The following BRIP1 variants were observed in gnomAD, a reference collection of about 807,000 sequenced individuals.
BRIP1 encodes the protein Fanconi anemia group J protein.
In BRIP1, 88 loss-of-function variants were observed where a neutral mutation model predicts 119.7. The observed-to-expected ratio is 0.74, with a 90% CI of 0.62 to 0.88. BRIP1 has a LOEUF of 0.88. Among genes scored for constraint, BRIP1 ranks in the 40% least tolerant of loss-of-function variants. BRIP1 has a pLI of 0.00. For synonymous variants in BRIP1, 443 were observed against 496.5 expected, an observed-to-expected ratio of 0.89 and a Z score of 1.43; for missense variants, 1,259 against 1,455.4, an observed-to-expected ratio of 0.87 and a Z score of 2.20.
At position 61,680,941 on chromosome 17, in the gene BRIP1, G is replaced by A. The variant is rs1479640526; in HGVS notation, c.*2355C>T. On this transcript the variant is annotated 3_prime_UTR_variant, in exon 20 of 20. Transcript: ENST00000259008. ...ACTGGGTAATTTATAAAGGAAAGAG[G>A]TTTAATTGACTCACAGTTCTGCATG... Among the ~76,000 whole-genome samples, 1 of 152,172 alleles carries A rather than the reference G, an allele frequency of 6.6e-6. No homozygotes were observed.
chr17:61,828,893 T>G lies in BRIP1; in HGVS notation c.627+18208A>C, dbSNP rs2078448534. On this transcript the variant is annotated intron_variant, in intron 6 of 19. Coordinates refer to ENST00000259008, the MANE Select transcript of BRIP1 (RefSeq NM_032043.3). This position sits in a 1 kb window ranked among gnomAD's most constrained non-coding sequence, Gnocchi z 4.1. ...GCAGAAGGTTCTTACACATTATTTG[T>G]GAGTTGAAATATTATTTGAAGGTAC... 6.6e-6 allele frequency among the ~76,000 whole-genome samples: 1 copy of G among 152,160 alleles called. No homozygotes were observed. Among genetic ancestry groups the G allele is most frequent in the Non-Finnish European group, 1.5e-5 (1 of 68,004 alleles).
In BRIP1 at chr17:61,713,977, T is replaced by TA. The variant is rs200696609; in HGVS notation, c.2492+1973dup. On this transcript the variant is annotated intron_variant, in intron 17 of 19. Transcript: ENST00000259008. The surrounding 1 kb of genome is among the most constrained non-coding windows in gnomAD (Gnocchi z 4.9). ...AAGTGTTGTAAAAGAGTCAAAAAGGTAAAAAAAAAGATAAAAAGATAAAAA... is the reference window on the plus strand; with the variant it reads ...AAGTGTTGTAAAAGAGTCAAAAAGGTAAAAAAAAAAGATAAAAAGATAAAAA... 4.5e-3 allele frequency among the ~76,000 whole-genome samples: 673 copies of TA among 150,420 alleles called. 4 individuals carry two copies. The highest frequency in any genetic ancestry group is 0.015 in the African/African-American group (626 of 40,986).
At chr17:61,712,674 G>A (rs2061796373) in intron 17 of BRIP1, among the ~76,000 whole-genome samples, 1 of 152,154 alleles carries the variant, frequency 6.6e-6, no homozygotes, top group African/African-American at 2.4e-5. Flanking sequence ...GGGAGGCCAA[G>A]GCAGGCGGAT....
chr17:61,743,228 G>A lies in BRIP1; in HGVS notation c.2258-94C>T, dbSNP rs2144683298. 7.1e-7 allele frequency: 1 copy of A among 1,413,234 alleles called. No homozygotes were observed. The highest frequency in any genetic ancestry group is 9.9e-7 in the Non-Finnish European group (1 of 1,013,470). 87.5% of individuals were successfully genotyped at this position (1,413,234 alleles called of 1,614,324 possible). On this transcript the variant is annotated intron_variant, in intron 15 of 19. Coordinates refer to ENST00000259008, the MANE Select transcript of BRIP1 (RefSeq NM_032043.3). The surrounding 1 kb of genome is among the most constrained non-coding windows in gnomAD (Gnocchi z 4.3). ...CTGATTTATAATTATAGTAATTACA[G>A]TAGCAAATTTAAAATAATCAAAATA...
Position 61,720,874 on chromosome 17 carries a change from C to T in BRIP1, c.2380-4811G>A, listed in dbSNP as rs2061961607. The stretch of plus-strand genomic sequence containing the variant: ...TTCTTTTTTTTTTGAGACAGAGTCT[C>T]GCTCCATTGCCCAGGCTGGAGTGCA... On this transcript the variant is annotated intron_variant, in intron 16 of 19. Transcript: ENST00000259008. The surrounding 1 kb of genome is among the most constrained non-coding windows in gnomAD (Gnocchi z 4.3). Among the ~76,000 whole-genome samples, 1 of 152,024 alleles carries T rather than the reference C, an allele frequency of 6.6e-6. No individual in the cohort carries two copies. Among genetic ancestry groups the T allele is most frequent in the Non-Finnish European group, 1.5e-5 (1 of 68,026 alleles).
rs113881123 is a variant in BRIP1, at chr17:61,704,600, G to T, written c.2493-11088C>A. On this transcript the variant is annotated intron_variant, in intron 17 of 19. Transcript: ENST00000259008. The surrounding 1 kb of genome is among the most constrained non-coding windows in gnomAD (Gnocchi z 5.7). ...AATATTTGTTAATGAACACATCTGG[G>T]TGGAGAATTTTTTAGAAGGCTTTTA... 5.5e-4 allele frequency among the ~76,000 whole-genome samples: 84 copies of T among 151,964 alleles called. 1 individual carries two copies. The highest frequency in any genetic ancestry group is 1.9e-3 in the African/African-American group (77 of 41,472).
At chr17:61,785,385 A>T (rs2077690231) in intron 10 of BRIP1, among the ~76,000 whole-genome samples, 1 of 152,234 alleles carries the variant, frequency 6.6e-6, no homozygotes, top group South Asian at 2.1e-4. Context: ...CCCACATTGT[A>T]AAAGAGAAAA....
In BRIP1 at chr17:61,742,403, G is replaced by C. The variant is rs2076998045; in HGVS notation, c.2379+610C>G. ...ACTTTTCCTTTGCATTCACAATATG[G>C]CTAATTGGTTGGTGCAAGAGGCCTA... is the stretch of plus-strand genomic sequence containing the variant. On this transcript the variant is annotated intron_variant, in intron 16 of 19. Transcript: ENST00000259008. The surrounding 1 kb of genome is among the most constrained non-coding windows in gnomAD (Gnocchi z 4.7). Among the ~76,000 whole-genome samples the C allele has an allele frequency of 6.6e-6, 1 of 152,088 alleles. No individual in the cohort carries two copies. The highest frequency in any genetic ancestry group is 1.5e-5 in the Non-Finnish European group (1 of 68,040).
rs563509532 is a variant in BRIP1, at chr17:61,746,584, A to T, written c.2098-1993T>A. 1.8e-4 allele frequency among the ~76,000 whole-genome samples: 12 copies of T among 68,266 alleles called. No individual in the cohort carries two copies. The highest frequency in any genetic ancestry group is 3.6e-4 in the Non-Finnish European group (10 of 28,028). The allele number at this position is 68,266 out of a possible 152,430, so 44.8% of individuals were successfully genotyped here. On this transcript the variant is annotated intron_variant, in intron 14 of 19. Coordinates refer to ENST00000259008, the MANE Select transcript of BRIP1 (RefSeq NM_032043.3). The surrounding 1 kb of genome is among the most constrained non-coding windows in gnomAD (Gnocchi z 4.9). Reference sequence around the variant, plus strand: ...ATTCTAAGTCAAAAATTGTCACAAGAGACAAAAAAAAAGGACATTATATAA... The same window carrying T: ...ATTCTAAGTCAAAAATTGTCACAAGTGACAAAAAAAAAGGACATTATATAA...
rs148249085 is a variant in BRIP1 at position 61,710,501 on chromosome 17, G to A, written c.2492+5450C>T. 7.8e-3 allele frequency among the ~76,000 whole-genome samples: 1,183 copies of A among 152,260 alleles called. 7 individuals carry two copies. Among genetic ancestry groups the A allele is most frequent in the Middle Eastern group, 0.02 (6 of 294 alleles). On this transcript the variant is annotated intron_variant, in intron 17 of 19. Transcript: ENST00000259008. The surrounding 1 kb of genome is among the most constrained non-coding windows in gnomAD (Gnocchi z 5.4). ...AACTCTAGTTGGAGAAGTTTTAAAG[G>A]TCCTCATAAAGGACATGACTTTCAA...
Position 61,729,633 on chromosome 17 carries a change from T to C in BRIP1, c.2379+13380A>G, listed in dbSNP as rs1051420844. On this transcript the variant is annotated intron_variant, in intron 16 of 19. Coordinates refer to ENST00000259008, the MANE Select transcript of BRIP1 (RefSeq NM_032043.3). The surrounding 1 kb of genome is among the most constrained non-coding windows in gnomAD (Gnocchi z 5.6). ...ACTGTTATAAGAAAAAGCTATCTAC[T>C]GTATTTAGTGTATATTAGACTCTTG... Among the ~76,000 whole-genome samples the C allele has an allele frequency of 6.6e-6, 1 of 152,186 alleles. No individual in the cohort carries two copies. The highest frequency in any genetic ancestry group is 6.5e-5 in the Admixed American group (1 of 15,274).
Position 61,725,907 on chromosome 17 carries a change from T to A in BRIP1, c.2380-9844A>T, listed in dbSNP as rs2076759952. Among the ~76,000 whole-genome samples the A allele has an allele frequency of 1.3e-5, 2 of 152,212 alleles. No individual in the cohort carries two copies. The highest frequency in any genetic ancestry group is 2.9e-5 in the Non-Finnish European group (2 of 68,040). On this transcript the variant is annotated intron_variant, in intron 16 of 19. Coordinates refer to ENST00000259008, the MANE Select transcript of BRIP1 (RefSeq NM_032043.3). The surrounding 1 kb of genome is among the most constrained non-coding windows in gnomAD (Gnocchi z 5.3). ...CTCCCAAAGCTGTGGGATTAAGGTG[T>A]TATCCACCATGCCTGGCCTAAAAAA...
Position 61,772,157 on chromosome 17 carries a change from TTA to T in BRIP1, c.2097+4242_2097+4243del, listed in dbSNP as rs71150699. Reference sequence around the variant, plus strand: ...GATGAATGGATAAGCAAATGTGAGATTATATATATATATATATATATATATAT... The same window carrying T: ...GATGAATGGATAAGCAAATGTGAGATTATATATATATATATATATATATAT... On this transcript the variant is annotated intron_variant, in intron 14 of 19. Coordinates refer to ENST00000259008, the MANE Select transcript of BRIP1 (RefSeq NM_032043.3). Among the ~76,000 whole-genome samples the T allele has an allele frequency of 7.5e-3, 571 of 76,348 alleles. 3 individuals are homozygous for T. The highest frequency in any genetic ancestry group is 9.1e-3 in the African/African-American group (153 of 16,758). 50.1% of individuals were successfully genotyped at this position (76,348 alleles called of 152,430 possible). A position where few individuals can be genotyped will look rare whatever the true frequency, so the allele number is the denominator to read the frequency against.
In BRIP1 at chr17:61,780,146, T is replaced by C; in HGVS notation, c.1935+115A>G. The stretch of plus-strand genomic sequence containing the variant: ...TTCTTTTATTGTAAAACTGGAATGT[T>C]GAATTTCCTACCAAGATTTACTTGC... On this transcript the variant is annotated intron_variant, in intron 13 of 19. Coordinates refer to ENST00000259008, the MANE Select transcript of BRIP1 (RefSeq NM_032043.3). This position sits in a 1 kb window ranked among gnomAD's most constrained non-coding sequence, Gnocchi z 5.4. 1 of 1,161,234 alleles carries C rather than the reference T, an allele frequency of 8.6e-7. No individual in the cohort carries two copies. Among genetic ancestry groups the C allele is most frequent in the South Asian group, 1.3e-5 (1 of 75,186 alleles). 71.9% of individuals were successfully genotyped at this position (1,161,234 alleles called of 1,614,324 possible). A position where few individuals can be genotyped will look rare whatever the true frequency, so the allele number is the denominator to read the frequency against.
chr17:61,811,310 A>G (rs62068837), intron 6 of BRIP1, among the ~76,000 whole-genome samples: 120,352 of 151,858 alleles, frequency 0.79, 48,309 homozygotes, highest in African/African-American at 0.89. Flanking sequence ...CCACAACTCC[A>G]TCTCCCAGGT....
rs543880936 is a variant in BRIP1 at position 61,742,385 on chromosome 17, C to T, written c.2379+628G>A. ...TTTTAATTCCTTTGAAGAACTTTTC[C>T]TTTGCATTCACAATATGGCTAATTG... On this transcript the variant is annotated intron_variant, in intron 16 of 19. Coordinates refer to ENST00000259008, the MANE Select transcript of BRIP1 (RefSeq NM_032043.3). This position sits in a 1 kb window ranked among gnomAD's most constrained non-coding sequence, Gnocchi z 4.7. Among the ~76,000 whole-genome samples, 6 of 152,264 alleles carry T rather than the reference C, an allele frequency of 3.9e-5. No individual in the cohort carries two copies. In the South Asian group the frequency reaches 1.0e-3, roughly 26 times the overall value.
At position 61,679,429 on chromosome 17, in the gene BRIP1, T is replaced by C. The variant is rs2061249178; in HGVS notation, c.*3867A>G. On this transcript the variant is annotated 3_prime_UTR_variant, in exon 20 of 20. Transcript: ENST00000259008. The surrounding 1 kb of genome is among the most constrained non-coding windows in gnomAD (Gnocchi z 4.4). ...TTTATTCCAAGAATAAAGCCCTGTC[T>C]CTAACTGGTAGTTTTCCTGGTTTGC... Among the ~76,000 whole-genome samples, 1 of 152,210 alleles carries C rather than the reference T, an allele frequency of 6.6e-6. No homozygotes were observed. The highest frequency in any genetic ancestry group is 1.5e-5 in the Non-Finnish European group (1 of 68,016).
chr17:61,765,829 G>GCACACACACACA (rs71150698), intron 14 of BRIP1, among the ~76,000 whole-genome samples: 2,431 of 146,500 alleles, frequency 0.017, 34 homozygotes, highest in Middle Eastern at 0.021. Context: ...CTATATTCAT[G>GCACACACACACA]CACACACACA....
At chr17:61,781,063 T>C in intron 11 of BRIP1, 58 bp from the exon 12 acceptor site, 1 of 1,519,480 alleles carries the variant, frequency 6.6e-7, no homozygotes, top group Non-Finnish European at 9.1e-7. Context: ...ATGACCCAGC[T>C]ACATACAATA....
Sources: gnomAD v4.1 joint callset for allele counts (sites outside exome capture counted in the v4.1 genomes callset) on GRCh38, gnomAD v4.1.1 for gene constraint, Gnocchi (gnomAD v3.1) non-coding constraint, MANE v1.5 for transcripts, NCBI Gene and HGNC (gene_info 2026-07-23, HGNC 2026-07-21) for gene names.